The following LRRC37A2 variants were observed in gnomAD, a reference collection of about 807,000 sequenced individuals.
The protein encoded by LRRC37A2 is leucine rich repeat containing 37 member A2.
LRRC37A2 carries 9 observed loss-of-function variants against 68.8 expected under a neutral mutation model. The ratio of observed to expected loss-of-function variants is 0.13; its 90% CI spans 0.08 to 0.23. The LOEUF is 0.23. Ranked by LOEUF, LRRC37A2 falls within the 10% of genes least tolerant of loss-of-function variation. The pLI is 1.00. For synonymous variants in LRRC37A2, 63 were observed against 367.6 expected (o/e 0.17, Z 9.48); for missense variants, 168 against 950.4 (o/e 0.18, Z 10.82).
At chr17:46,552,934 A>C (rs2056934422) in intron 11 of LRRC37A2, among the ~76,000 whole-genome samples, 1 of 144,046 alleles carries the variant, frequency 6.9e-6, no homozygotes, top group Non-Finnish European at 1.5e-5. Context: ...ATGCACCTGT[A>C]GTCTCAGCTA....
the LRRC37A2 span, chr17:46,966,928 A>ATC: frequency 7.8e-5 from 30 of 386,696 alleles, no homozygotes; most frequent in African/African-American, 6.0e-4. Context: ...TTTTATTTGA[A>ATC]TCTGGCTAGA....
At chr17:46,727,409 C>T in the LRRC37A2 span, among the ~76,000 whole-genome samples, 2 of 152,126 alleles carry the variant, frequency 1.3e-5, no homozygotes, top group African/African-American at 4.8e-5. Context: ...TGGAAACCCA[C>T]CTGGTGACTT....
chr17:46,840,083 C>G, the LRRC37A2 span, among the ~76,000 whole-genome samples: 1 of 141,482 alleles, frequency 7.1e-6, no homozygotes, highest in East Asian at 2.0e-4. Flanking sequence ...TTCCTTCATT[C>G]CTTCTTTCTT....
the LRRC37A2 span, among the ~76,000 whole-genome samples, chr17:46,938,243 G>A: frequency 1.3e-5 from 2 of 151,982 alleles, no homozygotes; most frequent in Non-Finnish European, 2.9e-5. Context: ...TTAATTCTAT[G>A]AACCATCTCA....
At chr17:46,877,001 A>G in the LRRC37A2 span, 1 of 1,250,332 alleles carries the variant, frequency 8.0e-7, no homozygotes, top group Non-Finnish European at 1.0e-6. Context: ...GAGGGAAATA[A>G]GGGAGACCAA....
exon 10 of LRRC37A2, chr17:46,548,964 A>T (rs1465458689): frequency 6.2e-7 from 1 of 1,612,320 alleles, no homozygotes; most frequent in African/African-American, 1.4e-5. Flanking sequence ...GGAAAGACTT[A>T]ACCCACGCTA....
At chr17:46,791,049 A>G in the LRRC37A2 span, among the ~76,000 whole-genome samples, 2 of 151,754 alleles carry the variant, frequency 1.3e-5, no homozygotes, top group African/African-American at 2.4e-5. Context: ...AGTGGGGTGT[A>G]TCTGTTTGTG....
chr17:46,848,105 C>T, the LRRC37A2 span, among the ~76,000 whole-genome samples: 3 of 152,094 alleles, frequency 2.0e-5, no homozygotes, highest in Admixed American at 2.0e-4. Context: ...AAGAATGCTT[C>T]TCTTGCATAC....
chr17:46,900,202 T>TACATACATATACATATACACACACACAC, the LRRC37A2 span, among the ~76,000 whole-genome samples: 7 of 101,172 alleles, frequency 6.9e-5, no homozygotes, highest in Non-Finnish European at 1.1e-4. Flanking sequence ...TATATATATA[T>TACATACATATACATATACACACACACAC]ACACACACAC....
chr17:46,898,352 T>G, the LRRC37A2 span, among the ~76,000 whole-genome samples: 1 of 152,190 alleles, frequency 6.6e-6, no homozygotes, highest in Non-Finnish European at 1.5e-5. Context: ...AACAAATAAA[T>G]GTTGTACATG....
At chr17:46,907,608 A>T in the LRRC37A2 span, among the ~76,000 whole-genome samples, 7 of 141,700 alleles carry the variant, frequency 4.9e-5, no homozygotes, top group Non-Finnish European at 7.6e-5. Flanking sequence ...AGGCTGAGGC[A>T]GGAGGATCGG....
chr17:47,001,361 AG>A, the LRRC37A2 span, among the ~76,000 whole-genome samples: 1 of 150,640 alleles, frequency 6.6e-6, no homozygotes, highest in African/African-American at 2.4e-5. Flanking sequence ...AAAAAGCGGA[AG>A]TGAGAGATGC....
chr17:46,885,964 G>A, the LRRC37A2 span: 1 of 152,244 alleles, frequency 6.6e-6, no homozygotes, highest in East Asian at 1.9e-4. Flanking sequence ...GCAAGATGAG[G>A]TGGGGAATGA....
At chr17:46,990,339 CA>C in the LRRC37A2 span, among the ~76,000 whole-genome samples, 10 of 152,314 alleles carry the variant, frequency 6.6e-5, no homozygotes, top group African/African-American at 2.4e-4. Context: ...AACTTTTTAT[CA>C]GTTACACAAA....
chr17:46,746,973 T>C, the LRRC37A2 span, among the ~76,000 whole-genome samples: 2 of 152,184 alleles, frequency 1.3e-5, no homozygotes, highest in Non-Finnish European at 2.9e-5. Flanking sequence ...TTGACTCCAG[T>C]ATGCTGGCAA....
At chr17:46,667,532 C>G in the LRRC37A2 span, among the ~76,000 whole-genome samples, 1 of 142,020 alleles carries the variant, frequency 7.0e-6, no homozygotes, top group African/African-American at 2.5e-5. Flanking sequence ...CAGCACTGCT[C>G]TCCAGTTTAA....
chr17:46,765,301 A>G, the LRRC37A2 span, among the ~76,000 whole-genome samples: 1 of 152,230 alleles, frequency 6.6e-6, no homozygotes, highest in Non-Finnish European at 1.5e-5. Context: ...GGGCGCAGCC[A>G]GGCCACTCGA....
the LRRC37A2 span, among the ~76,000 whole-genome samples, chr17:46,928,239 C>T: frequency 3.9e-5 from 6 of 152,188 alleles, no homozygotes; most frequent in Middle Eastern, 3.4e-3. Context: ...TTTTGGTGCC[C>T]GAGGGCATAT....
chr17:46,631,660 CAA>C, the LRRC37A2 span, among the ~76,000 whole-genome samples: 1 of 42,196 alleles, frequency 2.4e-5, no homozygotes, highest in Non-Finnish European at 4.2e-5. Context: ...TCTATTGTGA[CAA>C]GATACAGAAA....
Sources: allele counts gnomAD v4.1 joint callset (sites outside exome capture counted in the v4.1 genomes callset), GRCh38; gene constraint gnomAD v4.1.1; transcripts MANE v1.5; gene names NCBI Gene and HGNC (gene_info 2026-07-23, HGNC 2026-07-21).